GPC6: variants seen among roughly 807,000 people sequenced by gnomAD.
GPC6 encodes glypican-6.
GPC6 carries 14 observed loss-of-function variants against 55.2 expected under a neutral mutation model. The ratio of observed to expected loss-of-function variants is 0.25; its 90% CI spans 0.17 to 0.40. The LOEUF is 0.40. Among genes scored for constraint, GPC6 ranks in the 10% least tolerant of loss-of-function variants. The pLI is 1.00. For missense variants in GPC6, 641 were observed against 708.5 expected, an observed-to-expected ratio of 0.90 and a Z score of 1.08; for synonymous variants, 278 against 259.6, an observed-to-expected ratio of 1.07 and a Z score of -0.68.
At chr13:93,513,070 G>A (rs1053317069) in intron 1 of GPC6, among the ~76,000 whole-genome samples, 1 of 152,144 alleles carries the variant, frequency 6.6e-6, no homozygotes, top group African/African-American at 2.4e-5. Context: ...TTGAAAAACT[G>A]AGCCATTGCT....
At chr13:93,576,544 A>G (rs1035037116) in intron 2 of GPC6, among the ~76,000 whole-genome samples, 8 of 152,042 alleles carry the variant, frequency 5.3e-5, no homozygotes, top group African/African-American at 1.7e-4. Context: ...CATAAAATGG[A>G]AAGTAAATAT....
chr13:93,387,107 A>G (rs531602718), intron 1 of GPC6, among the ~76,000 whole-genome samples: 2 of 150,416 alleles, frequency 1.3e-5, no homozygotes, highest in South Asian at 4.2e-4. Context: ...TTCACACACT[A>G]TGGTCACTGA....
intron 4 of GPC6, among the ~76,000 whole-genome samples, chr13:94,207,967 A>C (rs1394716077): frequency 1.3e-5 from 2 of 152,176 alleles, no homozygotes; most frequent in East Asian, 3.8e-4. Context: ...ATTTGAGATA[A>C]ATTACCAGCA....
At chr13:94,276,425 G>C (rs932569158) in intron 4 of GPC6, among the ~76,000 whole-genome samples, 1 of 152,106 alleles carries the variant, frequency 6.6e-6, no homozygotes, top group African/African-American at 2.4e-5. Flanking sequence ...ATTAGGCAAG[G>C]CTGGCGAGGT....
At chr13:93,620,013 G>A (rs1226186233) in intron 2 of GPC6, among the ~76,000 whole-genome samples, 10 of 152,052 alleles carry the variant, frequency 6.6e-5, no homozygotes, top group Non-Finnish European at 1.5e-4. Flanking sequence ...ATAAGGATGA[G>A]TTTCACACTT....
intron 4 of GPC6, among the ~76,000 whole-genome samples, chr13:94,130,478 A>C (rs1394767746): frequency 6.6e-6 from 1 of 152,198 alleles, no homozygotes; most frequent in African/African-American, 2.4e-5. Context: ...TAGTTTGCTT[A>C]GTAAATGCAA....
intron 1 of GPC6, among the ~76,000 whole-genome samples, chr13:93,518,611 G>A (rs980724380): frequency 3.9e-5 from 6 of 151,960 alleles, no homozygotes; most frequent in African/African-American, 1.4e-4. Context: ...CTCATAGTGA[G>A]CTACAAAATA....
At position 94,234,449 on chromosome 13, in the gene GPC6, T is replaced by A. The variant is rs1027395992; in HGVS notation, c.878-51900T>A. ...TACATGTAATACTGAAGCTAAAAAT[T>A]AGTTTCTGCTACTGAAAATATGTCT... is the stretch of plus-strand genomic sequence containing the variant. On this transcript the variant is annotated intron_variant, in intron 4 of 8. Coordinates refer to ENST00000377047, the MANE Select transcript of GPC6 (RefSeq NM_005708.5). Among the ~76,000 whole-genome samples, 6 of 151,746 alleles carry A rather than the reference T, an allele frequency of 4.0e-5. No individual in the cohort carries two copies. In the South Asian group the frequency reaches 1.0e-3, roughly 26 times the overall value.
At chr13:93,958,297 T>C (rs1379290532) in intron 3 of GPC6, among the ~76,000 whole-genome samples, 2 of 152,178 alleles carry the variant, frequency 1.3e-5, no homozygotes, top group Non-Finnish European at 1.5e-5. Context: ...CAAAGAAGAA[T>C]ATTTTCTAGG....
chr13:93,599,417 G>A (rs1287686549), intron 2 of GPC6, among the ~76,000 whole-genome samples: 1 of 152,008 alleles, frequency 6.6e-6, no homozygotes, highest in Admixed American at 6.6e-5. Flanking sequence ...AGCTGATCAG[G>A]GAAGCATGAA....
chr13:93,222,760 G>C (rs1875656526), upstream of GPC6, among the ~76,000 whole-genome samples: 1 of 152,100 alleles, frequency 6.6e-6, no homozygotes, highest in Admixed American at 6.6e-5. Flanking sequence ...GCTTTTACTT[G>C]TAAACAGTAG....
At chr13:93,556,942 A>G (rs1875514495) in intron 2 of GPC6, among the ~76,000 whole-genome samples, 1 of 152,124 alleles carries the variant, frequency 6.6e-6, no homozygotes, top group Non-Finnish European at 1.5e-5. Flanking sequence ...TTCATAGCAC[A>G]CTTTGATTCA....
chr13:93,587,231 A>G (rs1458618217), intron 2 of GPC6, among the ~76,000 whole-genome samples: 1 of 151,944 alleles, frequency 6.6e-6, no homozygotes, highest in African/African-American at 2.4e-5. Context: ...GATATTATTT[A>G]CCCCTAATAA....
chr13:93,560,646 G>A (rs534115516), intron 2 of GPC6, among the ~76,000 whole-genome samples: 3 of 152,038 alleles, frequency 2.0e-5, no homozygotes, highest in African/African-American at 7.2e-5. Flanking sequence ...ATGAGGTCAG[G>A]AGATCGAGAA....
intron 2 of GPC6, among the ~76,000 whole-genome samples, chr13:93,635,292 G>A (rs1229269861): frequency 6.6e-6 from 1 of 152,012 alleles, no homozygotes; most frequent in Non-Finnish European, 1.5e-5. Context: ...AGAAATTGAA[G>A]ACCTTTTGTA....
intron 4 of GPC6, among the ~76,000 whole-genome samples, chr13:94,244,020 T>C (rs1891128210): frequency 6.6e-6 from 1 of 152,158 alleles, no homozygotes; most frequent in African/African-American, 2.4e-5. Context: ...AAAGCACTTA[T>C]TATTTTGTCC....
intron 2 of GPC6, among the ~76,000 whole-genome samples, chr13:93,622,256 A>G (rs1362522771): frequency 2.6e-5 from 4 of 152,234 alleles, no homozygotes; most frequent in Non-Finnish European, 4.4e-5. Context: ...TGTATTAGGC[A>G]TTGTGCTAAG....
intron 3 of GPC6, among the ~76,000 whole-genome samples, chr13:93,981,968 T>C (rs1390350659): frequency 6.6e-6 from 1 of 152,226 alleles, no homozygotes. Flanking sequence ...TGTCTTTTTT[T>C]CTTCTATTTC....
intron 1 of GPC6, among the ~76,000 whole-genome samples, chr13:93,264,598 A>G (rs1000526952): frequency 6.6e-6 from 1 of 151,950 alleles, no homozygotes; most frequent in Admixed American, 6.6e-5. Context: ...TTCGGTAGAA[A>G]CAAGGTCTCA....
Sources: gnomAD v4.1 joint callset for allele counts (sites outside exome capture counted in the v4.1 genomes callset) on GRCh38, gnomAD v4.1.1 for gene constraint, MANE v1.5 for transcripts, NCBI Gene and HGNC (gene_info 2026-07-23, HGNC 2026-07-21) for gene names.